The following PTPRK variants were observed in gnomAD, a reference collection of about 807,000 sequenced individuals.
PTPRK encodes protein tyrosine phosphatase receptor type K, also known as receptor-type tyrosine-protein phosphatase kappa.
PTPRK carries 75 observed loss-of-function variants against 178.0 expected under a neutral mutation model. The observed-to-expected ratio is 0.42, with a 90% confidence interval of 0.35 to 0.51. PTPRK has a LOEUF of 0.51. PTPRK is among the 20% of genes least tolerant of loss of function. The pLI is 0.02. For synonymous variants in PTPRK, 637 were observed against 620.6 expected (o/e 1.03, Z -0.39); for missense variants, 1,441 against 1,797.8 (o/e 0.80, Z 3.59).
At chr6:127,993,411 T>G (rs1319756444) in intron 18 of PTPRK, among the ~76,000 whole-genome samples, 5 of 151,702 alleles carry the variant, frequency 3.3e-5, no homozygotes, top group Non-Finnish European at 7.4e-5. Context: ...AATAGATTTT[T>G]AGTTGCTTTC....
At chr6:128,376,974 A>G (rs1338918850) in intron 2 of PTPRK, among the ~76,000 whole-genome samples, 2 of 152,204 alleles carry the variant, frequency 1.3e-5, no homozygotes, top group Non-Finnish European at 2.9e-5. Flanking sequence ...ATTTTGGTCA[A>G]AGCCAAATGT....
chr6:128,266,419 G>A (rs1219629440), intron 3 of PTPRK, among the ~76,000 whole-genome samples: 2 of 152,098 alleles, frequency 1.3e-5, no homozygotes, highest in African/African-American at 4.8e-5. Context: ...GTATACCAAC[G>A]TGGAAAAAGT....
chr6:128,233,166 T>G (rs2128279950), intron 5 of PTPRK, among the ~76,000 whole-genome samples: 1 of 152,348 alleles, frequency 6.6e-6, no homozygotes, highest in South Asian at 2.1e-4. Flanking sequence ...GCTTGCCAAA[T>G]GGCAATATAA....
At chr6:128,153,262 TA>T in intron 7 of PTPRK, among the ~76,000 whole-genome samples, 1 of 151,526 alleles carries the variant, frequency 6.6e-6, no homozygotes, top group East Asian at 1.9e-4. Context: ...ATGATAATGG[TA>T]AAAAATGGCA....
intron 17 of PTPRK, among the ~76,000 whole-genome samples, chr6:127,996,389 C>T (rs1460576979): frequency 1.3e-5 from 2 of 152,122 alleles, no homozygotes; most frequent in Admixed American, 1.3e-4. Flanking sequence ...GTTATCTCCA[C>T]AGGGTGAAGT....
At chr6:128,413,478 C>G (rs1842523083) in intron 1 of PTPRK, among the ~76,000 whole-genome samples, 1 of 152,164 alleles carries the variant, frequency 6.6e-6, no homozygotes, top group African/African-American at 2.4e-5. Context: ...CCTCTAGAGT[C>G]TCAAGACAGA....
At chr6:127,980,703 T>C (rs1337529061) in intron 25 of PTPRK, among the ~76,000 whole-genome samples, 1 of 152,176 alleles carries the variant, frequency 6.6e-6, no homozygotes, top group African/African-American at 2.4e-5. Flanking sequence ...TTGTAAATTA[T>C]TGAAACATTA....
intron 3 of PTPRK, among the ~76,000 whole-genome samples, chr6:128,264,991 T>C (rs931034288): frequency 3.3e-5 from 5 of 152,288 alleles, no homozygotes; most frequent in East Asian, 1.9e-4. Context: ...CTCCAGCCAA[T>C]TGGAACTGTA....
At chr6:128,408,052 T>C (rs1392941019) in intron 1 of PTPRK, among the ~76,000 whole-genome samples, 1 of 152,192 alleles carries the variant, frequency 6.6e-6, no homozygotes, top group African/African-American at 2.4e-5. Flanking sequence ...ATTATTACAA[T>C]GTGTTTCTGA....
intron 2 of PTPRK, among the ~76,000 whole-genome samples, chr6:128,325,774 A>T (rs1012042781): frequency 6.6e-6 from 1 of 152,198 alleles, no homozygotes; most frequent in East Asian, 1.9e-4. Flanking sequence ...TTCCTCAAGG[A>T]TCTAAAACTA....
At chr6:128,460,263 G>T (rs1158250082) in intron 1 of PTPRK, among the ~76,000 whole-genome samples, 1 of 151,820 alleles carries the variant, frequency 6.6e-6, no homozygotes, top group East Asian at 1.9e-4. Flanking sequence ...CCCTTTTCCA[G>T]CTGGGCATGG....
chr6:128,009,002 C>A, intron 14 of PTPRK, 128 bp downstream of exon 14: 1 of 787,046 alleles, frequency 1.3e-6, no homozygotes, highest in Non-Finnish European at 1.9e-6. Flanking sequence ...CAGGTGCTGA[C>A]AACATTGTTA....
chr6:128,224,354 C>G (rs1264004190), intron 5 of PTPRK, among the ~76,000 whole-genome samples: 1 of 152,176 alleles, frequency 6.6e-6, no homozygotes, highest in African/African-American at 2.4e-5. Flanking sequence ...CTCTCCTCTA[C>G]TATACTAAGT....
At chr6:128,115,877 T>C (rs1183312218) in intron 7 of PTPRK, among the ~76,000 whole-genome samples, 1 of 152,104 alleles carries the variant, frequency 6.6e-6, no homozygotes, top group Non-Finnish European at 1.5e-5. Flanking sequence ...CCATATTTAA[T>C]GCATACTAGT....
intron 1 of PTPRK, among the ~76,000 whole-genome samples, chr6:128,495,697 GA>G (rs1449521902): frequency 6.6e-6 from 1 of 152,142 alleles, no homozygotes; most frequent in Non-Finnish European, 1.5e-5. Flanking sequence ...ACACTATACT[GA>G]GGGCGATACT....
chr6:128,288,217 G>A (rs142280825), intron 3 of PTPRK, among the ~76,000 whole-genome samples: 2 of 152,050 alleles, frequency 1.3e-5, no homozygotes, highest in African/African-American at 4.8e-5. Context: ...GGGGTTCTTT[G>A]TATTTCTTTC....
chr6:128,106,754 T>G (rs1789787007), intron 7 of PTPRK, among the ~76,000 whole-genome samples: 1 of 152,148 alleles, frequency 6.6e-6, no homozygotes, highest in African/African-American at 2.4e-5. Flanking sequence ...TGTAAAACTA[T>G]GGGGAGAATT....
intron 3 of PTPRK, among the ~76,000 whole-genome samples, chr6:128,248,079 C>T (rs1334844042): frequency 2.0e-5 from 3 of 152,128 alleles, no homozygotes; most frequent in East Asian, 1.9e-4. Flanking sequence ...ATAAAATAGG[C>T]ATCTGTAACA....
Position 128,219,009 on chromosome 6 carries a change from T to C in PTPRK, c.781A>G (p.Thr261Ala). The change falls in exon 6 of 30, where the codon ACA (threonine) becomes GCA (alanine). Residue 261 changes from threonine to alanine, a missense_variant. Transcript: ENST00000368226. ...CGATACAAATCCTGGTCAGTTTTTG[T>C]CACTTCTTGCAATCTGAAGGAAGCG... ...FAASFRLQEV[T>A]KTDQDLYRCV... The C allele has an allele frequency of 6.2e-7, 1 of 1,614,076 alleles. No individual in the cohort carries two copies.
Sources: gnomAD v4.1 joint callset for allele counts (sites outside exome capture counted in the v4.1 genomes callset) on GRCh38, gnomAD v4.1.1 for gene constraint, MANE v1.5 for transcripts, NCBI Gene and HGNC (gene_info 2026-07-23, HGNC 2026-07-21) for gene names.